The following PTPRT variants were observed in gnomAD, a reference collection of about 807,000 sequenced individuals.
PTPRT encodes the protein receptor-type tyrosine-protein phosphatase T.
Under a neutral mutation model 176.8 loss-of-function variants are expected in PTPRT, and 56 were observed. The ratio of observed to expected loss-of-function variants is 0.32; its 90% CI spans 0.26 to 0.40. The LOEUF (loss-of-function observed/expected upper bound fraction) is 0.40. Ranked by LOEUF, PTPRT falls within the 10% of genes least tolerant of loss-of-function variation. PTPRT has a pLI of 1.00. For synonymous variants in PTPRT, 783 were observed against 739.0 expected, an observed-to-expected ratio of 1.06 and a Z score of -0.96; for missense variants, 1,540 against 1,908.2, an observed-to-expected ratio of 0.81 and a Z score of 3.60.
chr20:42,587,706 G>A (rs1368189519), intron 7 of PTPRT, among the ~76,000 whole-genome samples: 1 of 152,182 alleles, frequency 6.6e-6, no homozygotes, highest in African/African-American at 2.4e-5. Flanking sequence ...TTCAAATGCG[G>A]TCACACAGGA....
intron 1 of PTPRT, among the ~76,000 whole-genome samples, chr20:43,068,699 A>C (rs1020494789): frequency 6.6e-6 from 1 of 152,042 alleles, no homozygotes; most frequent in South Asian, 2.1e-4. Flanking sequence ...GCCATGAGAG[A>C]AGAAAGGAGA....
intron 15 of PTPRT, among the ~76,000 whole-genome samples, chr20:42,199,766 G>A (rs961711973): frequency 1.3e-5 from 2 of 152,102 alleles, no homozygotes; most frequent in Non-Finnish European, 2.9e-5. Context: ...CTCTGAATGA[G>A]ATTAAAAATG....
intron 11 of PTPRT, among the ~76,000 whole-genome samples, chr20:42,333,972 T>C (rs1221280089): frequency 2.0e-5 from 3 of 152,226 alleles, no homozygotes; most frequent in African/African-American, 7.2e-5. Context: ...TAAGCCACCA[T>C]GCCCGGCTTG....
chr20:42,696,037 C>T (rs186263263), intron 6 of PTPRT, among the ~76,000 whole-genome samples: 63 of 152,170 alleles, frequency 4.1e-4, no homozygotes, highest in Middle Eastern at 3.4e-3. Context: ...ACAGCAAAAG[C>T]GATGTGATAA....
At chr20:42,542,044 G>A (rs2145582086) in intron 7 of PTPRT, among the ~76,000 whole-genome samples, 1 of 152,208 alleles carries the variant, frequency 6.6e-6, no homozygotes, top group East Asian at 1.9e-4. Context: ...AGTCTCACAA[G>A]ATCTGATGGT....
intron 1 of PTPRT, among the ~76,000 whole-genome samples, chr20:42,925,008 G>A (rs765277613): frequency 1.3e-5 from 2 of 152,158 alleles, no homozygotes; most frequent in Non-Finnish European, 2.9e-5. Context: ...GAATTACTGC[G>A]GCTGCATTGA....
chr20:42,191,980 G>T (rs535328617), intron 16 of PTPRT, among the ~76,000 whole-genome samples: 1 of 152,156 alleles, frequency 6.6e-6, no homozygotes, highest in Non-Finnish European at 1.5e-5. Flanking sequence ...ACAACAATGA[G>T]GGGTGGGGGA....
chr20:42,955,235 C>T (rs144513205), intron 1 of PTPRT, among the ~76,000 whole-genome samples: 18 of 152,258 alleles, frequency 1.2e-4, no homozygotes, highest in African/African-American at 2.9e-4. Flanking sequence ...CACAGCCCTG[C>T]GAGGCACAGA....
rs200234483 is a variant in PTPRT, at chr20:42,162,038, AT to A, written c.2492-497del. ...ATGGCTGTGACCTGGCTTCTCTACT[AT>A]TTTTTTTTCCTTTGAGTTTTACCCT... is the stretch of plus-strand genomic sequence containing the variant. On this transcript the variant is annotated intron_variant, in intron 16 of 30. Transcript: ENST00000373187. 9.7e-4 allele frequency among the ~76,000 whole-genome samples: 146 copies of A among 150,858 alleles called. 2 individuals are homozygous for A. In the East Asian group the frequency reaches 0.026, roughly 26 times the overall value.
At chr20:43,031,012 T>C (rs1486176145) in intron 1 of PTPRT, among the ~76,000 whole-genome samples, 1 of 152,170 alleles carries the variant, frequency 6.6e-6, no homozygotes, top group Non-Finnish European at 1.5e-5. Flanking sequence ...AGTCCAGCTG[T>C]GATGCAGTTG....
At chr20:43,025,257 G>A (rs917614737) in intron 1 of PTPRT, among the ~76,000 whole-genome samples, 9 of 152,188 alleles carry the variant, frequency 5.9e-5, no homozygotes, top group African/African-American at 1.2e-4. Context: ...GCACAGCTGT[G>A]TATGCACAAA....
chr20:43,024,149 TG>T (rs760093983), intron 1 of PTPRT, among the ~76,000 whole-genome samples: 1 of 152,138 alleles, frequency 6.6e-6, no homozygotes, highest in African/African-American at 2.4e-5. Flanking sequence ...TCTGAGAATA[TG>T]GGCAAGCTAC....
intron 9 of PTPRT, among the ~76,000 whole-genome samples, chr20:42,365,463 A>AT (rs900831199): frequency 2.0e-5 from 3 of 151,708 alleles, no homozygotes; most frequent in African/African-American, 7.3e-5. Flanking sequence ...ATGAAAAGGG[A>AT]TTTTTCCCCA....
Position 42,705,912 on chromosome 20 carries a change from A to C in PTPRT, c.860-27753T>G, listed in dbSNP as rs536551653. On this transcript the variant is annotated intron_variant, in intron 6 of 30. Transcript: ENST00000373187. ...TTATGTTATGAACATTACTCTTACT[A>C]TTATGGACTAGGATGGTCCTAGGCC... Among the ~76,000 whole-genome samples the C allele has an allele frequency of 6.2e-4, 94 of 152,258 alleles. 1 individual carries two copies. Among genetic ancestry groups the C allele is most frequent in the African/African-American group, 2.1e-3 (89 of 41,536 alleles).
At chr20:42,913,909 C>T (rs925086495) in intron 1 of PTPRT, among the ~76,000 whole-genome samples, 1 of 152,152 alleles carries the variant, frequency 6.6e-6, no homozygotes, top group Non-Finnish European at 1.5e-5. Flanking sequence ...CTATTGAACT[C>T]ATCATATGGT....
intron 6 of PTPRT, among the ~76,000 whole-genome samples, chr20:42,731,053 CA>C (rs754720282): frequency 2.0e-5 from 3 of 152,278 alleles, no homozygotes; most frequent in South Asian, 2.1e-4. Context: ...CTGTGCCCCC[CA>C]CCACCCTTCA....
At position 42,102,021 on chromosome 20, in the gene PTPRT, C is replaced by T. The variant is rs1600511802; in HGVS notation, c.3714+103G>A. 4 of 1,363,638 alleles carry T rather than the reference C, an allele frequency of 2.9e-6. No homozygotes were observed. In the East Asian group the frequency reaches 9.4e-5, roughly 32 times the overall value. 84.5% of individuals were successfully genotyped at this position (1,363,638 alleles called of 1,614,324 possible). ...ACTAGTAGATCAGAAGCAGGGGGGG[C>T]TGGCTGGTGGGGTCAGGGCCCTGAG... is the stretch of plus-strand genomic sequence containing the variant. On this transcript the variant is annotated intron_variant, in intron 26 of 30. Transcript: ENST00000373187.
At chr20:43,181,158 T>C (rs1172537781) in intron 1 of PTPRT, among the ~76,000 whole-genome samples, 1 of 152,108 alleles carries the variant, frequency 6.6e-6, no homozygotes. Context: ...CGTGAGTAAG[T>C]GAATCCCGCC....
At chr20:42,113,472 G>A (rs540390530) in intron 22 of PTPRT, among the ~76,000 whole-genome samples, 15 of 152,166 alleles carry the variant, frequency 9.9e-5, no homozygotes, top group South Asian at 2.1e-4. Flanking sequence ...CTGGAGACAC[G>A]CCCTCAGCTG....
Sources: allele counts gnomAD v4.1 joint callset (sites outside exome capture counted in the v4.1 genomes callset), GRCh38; gene constraint gnomAD v4.1.1; transcripts MANE v1.5; gene names NCBI Gene and HGNC (gene_info 2026-07-23, HGNC 2026-07-21).